Variants in INPP4B observed in about 807,000 individuals in gnomAD.
The protein encoded by INPP4B is inositol polyphosphate-4-phosphatase type II B.
A neutral mutation model predicts 122.5 loss-of-function variants in INPP4B; 55 were observed. That is an observed-to-expected ratio of 0.45 (90% CI 0.36 to 0.56). The LOEUF is 0.56. INPP4B is among the 20% of genes least tolerant of loss of function. The pLI, the probability that INPP4B is intolerant of heterozygous loss-of-function variation, is 0.00. For missense variants in INPP4B, 1,000 were observed against 1,097.7 expected, an observed-to-expected ratio of 0.91 and a Z score of 1.26; for synonymous variants, 403 against 388.7, an observed-to-expected ratio of 1.04 and a Z score of -0.43.
chr4:142,038,952 G>T (rs1745655877), intron 25 of INPP4B, among the ~76,000 whole-genome samples: 1 of 152,082 alleles, frequency 6.6e-6, no homozygotes, highest in African/African-American at 2.4e-5. Flanking sequence ...TAGCAGATCA[G>T]GGCTTTTATC....
chr4:142,584,186 C>T (rs1735679440), intron 2 of INPP4B, among the ~76,000 whole-genome samples: 1 of 151,854 alleles, frequency 6.6e-6, no homozygotes, highest in African/African-American at 2.4e-5. Flanking sequence ...TATTTTAGAG[C>T]AGTTCTAGAT....
chr4:142,620,607 T>G (rs1290746536), intron 2 of INPP4B, among the ~76,000 whole-genome samples: 2 of 151,920 alleles, frequency 1.3e-5, no homozygotes, highest in East Asian at 3.9e-4. Context: ...CCGCATGACA[T>G]GCAATTTATC....
At chr4:142,185,398 G>GTATATA (rs386401711) in intron 15 of INPP4B, among the ~76,000 whole-genome samples, 23 of 147,198 alleles carry the variant, frequency 1.6e-4, no homozygotes, top group African/African-American at 4.7e-4. Context: ...ATGTGTGTGT[G>GTATATA]TATATATATA....
chr4:142,639,203 T>C (rs992715716), intron 2 of INPP4B, among the ~76,000 whole-genome samples: 9 of 152,224 alleles, frequency 5.9e-5, no homozygotes, highest in Admixed American at 4.6e-4. Context: ...TCTGTGTTCA[T>C]AAGAGGTATT....
At chr4:142,144,632 A>C (rs1167643867) in intron 18 of INPP4B, among the ~76,000 whole-genome samples, 1 of 152,100 alleles carries the variant, frequency 6.6e-6, no homozygotes, top group Non-Finnish European at 1.5e-5. Flanking sequence ...AAATCCCTAC[A>C]TACAGTTAGA....
chr4:142,077,833 T>A (rs191098889), intron 25 of INPP4B, among the ~76,000 whole-genome samples: 1 of 152,026 alleles, frequency 6.6e-6, no homozygotes, highest in Non-Finnish European at 1.5e-5. Context: ...CTTGTCATAA[T>A]GTCATTAAAA....
rs766461352 is a variant in INPP4B, at chr4:142,431,307, G to A, written c.-48C>T. ...ATTTTCCAAATTTTCTTGTCCAAAT[G>A]TCAGTTCTAGTGATTCCTGGTTTAA... On this transcript the variant is annotated 5_prime_UTR_variant, in exon 4 of 26. Coordinates refer to ENST00000262992, the MANE Select transcript of INPP4B (RefSeq NM_001101669.3). 8.4e-6 allele frequency: 11 copies of A among 1,309,302 alleles called. No individual in the cohort carries two copies. The East Asian group carries it at 2.3e-4, about 28-fold the overall frequency. 81.1% of individuals were successfully genotyped at this position (1,309,302 alleles called of 1,614,324 possible).
chr4:142,116,032 C>T (rs909202779), intron 21 of INPP4B, among the ~76,000 whole-genome samples: 3 of 152,088 alleles, frequency 2.0e-5, no homozygotes, highest in Admixed American at 1.3e-4. Flanking sequence ...ATAAAAGAGA[C>T]TTTAAACCAA....
chr4:142,618,089 T>C (rs1318222296), intron 2 of INPP4B, among the ~76,000 whole-genome samples: 3 of 152,126 alleles, frequency 2.0e-5, no homozygotes, highest in African/African-American at 4.8e-5. Flanking sequence ...GCTATAGTAA[T>C]ATATCCAATG....
chr4:142,167,716 G>T (rs991906178), intron 16 of INPP4B, among the ~76,000 whole-genome samples: 3 of 151,582 alleles, frequency 2.0e-5, no homozygotes, highest in Non-Finnish European at 4.4e-5. Flanking sequence ...TAATACATTG[G>T]TATTATTTTT....
rs554939483 is a variant in INPP4B at position 142,761,582 on chromosome 4, GT to G, written c.-253-35682del. On this transcript the variant is annotated intron_variant, in intron 1 of 25. Transcript: ENST00000262992. ...CACAGTGGATGCCATTGTAATAATT[GT>G]TGTAAGAGATTTTTAAAGCCCAACC... 7.9e-3 allele frequency among the ~76,000 whole-genome samples: 1,200 copies of G among 152,234 alleles called. 14 individuals are homozygous for G. Among genetic ancestry groups the G allele is most frequent in the African/African-American group, 0.026 (1,092 of 41,552 alleles).
At chr4:142,068,540 C>T (rs1034702323) in intron 25 of INPP4B, among the ~76,000 whole-genome samples, 1 of 151,992 alleles carries the variant, frequency 6.6e-6, no homozygotes, top group South Asian at 2.1e-4. Context: ...GACTGGCAAA[C>T]TGGATAAAGA....
intron 1 of INPP4B, among the ~76,000 whole-genome samples, chr4:142,744,938 TA>T (rs143480735): frequency 0.013 from 2,000 of 151,690 alleles, 23 homozygotes; most frequent in Non-Finnish European, 0.02. Context: ...TTTTAGTATA[TA>T]AAAAAAGATG....
At chr4:142,306,341 A>G (rs951673977) in intron 8 of INPP4B, among the ~76,000 whole-genome samples, 17 of 152,052 alleles carry the variant, frequency 1.1e-4, no homozygotes, top group African/African-American at 3.9e-4. Flanking sequence ...AACATGAAAA[A>G]GAGCTCTCAT....
chr4:142,544,731 A>G (rs1829355374), intron 2 of INPP4B, among the ~76,000 whole-genome samples: 1 of 152,098 alleles, frequency 6.6e-6, no homozygotes, highest in Non-Finnish European at 1.5e-5. Context: ...TTCCCCACAG[A>G]CAGGTGGTCG....
At chr4:142,660,841 G>C (rs2150583431) in intron 2 of INPP4B, 1 of 152,706 alleles carries the variant, frequency 6.5e-6, no homozygotes, top group South Asian at 2.0e-4. Flanking sequence ...CCTTCTGCCG[G>C]GAACCCTTAG....
intron 2 of INPP4B, among the ~76,000 whole-genome samples, chr4:142,615,127 T>G (rs1238939599): frequency 6.6e-6 from 1 of 152,214 alleles, no homozygotes; most frequent in Non-Finnish European, 1.5e-5. Flanking sequence ...TTTTATTTGT[T>G]TATTTATTTT....
Position 142,474,943 on chromosome 4 carries a change from C to T in INPP4B, c.-190-12217G>A, listed in dbSNP as rs78313234. On this transcript the variant is annotated intron_variant, in intron 2 of 25. Transcript: ENST00000262992. ...AGGTAAGAAACTCCACTCACACCCA[C>T]CTGTCATAGCCAGATAGGCCACACC... Among the ~76,000 whole-genome samples, 393 of 152,360 alleles carry T rather than the reference C, an allele frequency of 2.6e-3. 5 individuals carry two copies. Among genetic ancestry groups the T allele is most frequent in the African/African-American group, 9.0e-3 (373 of 41,594 alleles).
chr4:142,483,246 C>T (rs1820800394), intron 2 of INPP4B, among the ~76,000 whole-genome samples: 1 of 117,338 alleles, frequency 8.5e-6, no homozygotes, highest in Admixed American at 1.2e-4. Context: ...CTCACAATGG[C>T]GTTAGTTAGA....
Sources: allele counts gnomAD v4.1 joint callset (sites outside exome capture counted in the v4.1 genomes callset), GRCh38; gene constraint gnomAD v4.1.1; transcripts MANE v1.5; gene names NCBI Gene and HGNC (gene_info 2026-07-23, HGNC 2026-07-21).